The following TUBGCP3 variants were observed in gnomAD, a reference collection of about 807,000 sequenced individuals.
TUBGCP3 encodes gamma-tubulin complex component 3.
A neutral mutation model predicts 123.1 loss-of-function variants in TUBGCP3; 50 were observed. That is an observed-to-expected ratio of 0.41 (90% CI 0.32 to 0.51). The LOEUF (loss-of-function observed/expected upper bound fraction) is 0.51. Ranked by LOEUF, TUBGCP3 falls within the 20% of genes least tolerant of loss-of-function variation. The pLI is 0.36. For synonymous variants in TUBGCP3, 405 were observed against 413.9 expected, an observed-to-expected ratio of 0.98 and a Z score of 0.26; for missense variants, 882 against 1,127.0, an observed-to-expected ratio of 0.78 and a Z score of 3.11.
At chr13:112,551,052 TCG>T (rs1016938059) in intron 8 of TUBGCP3, among the ~76,000 whole-genome samples, 16 of 151,842 alleles carry the variant, frequency 1.1e-4, no homozygotes, top group African/African-American at 3.9e-4. Flanking sequence ...TGAGCCGAGA[TCG>T]CGCCACTGCA....
At chr13:112,566,707 C>A (rs1880975624) in intron 2 of TUBGCP3, among the ~76,000 whole-genome samples, 1 of 152,160 alleles carries the variant, frequency 6.6e-6, no homozygotes, top group Non-Finnish European at 1.5e-5. Context: ...GGCACTAATT[C>A]ATACATGCAC....
At chr13:112,499,777 G>A (rs1880779543) in intron 19 of TUBGCP3, among the ~76,000 whole-genome samples, 3 of 152,086 alleles carry the variant, frequency 2.0e-5, no homozygotes, top group African/African-American at 7.2e-5. Flanking sequence ...TGTCACAGCA[G>A]GTATCTTCCG....
intron 8 of TUBGCP3, among the ~76,000 whole-genome samples, chr13:112,550,582 T>C (rs188030774): frequency 3.9e-5 from 6 of 152,254 alleles, no homozygotes; most frequent in Admixed American, 2.6e-4. Flanking sequence ...TCTAGGCTCA[T>C]CTACAAAGGG....
intron 3 of TUBGCP3, among the ~76,000 whole-genome samples, chr13:112,563,384 G>T (rs527323048): frequency 6.6e-6 from 1 of 151,988 alleles, no homozygotes; most frequent in Non-Finnish European, 1.5e-5. Flanking sequence ...TGGTTTAATC[G>T]TTGGTCTTAT....
chr13:112,502,112 G>C (rs559060667), intron 19 of TUBGCP3, among the ~76,000 whole-genome samples: 1 of 152,142 alleles, frequency 6.6e-6, no homozygotes, highest in Non-Finnish European at 1.5e-5. Flanking sequence ...CACACACACC[G>C]GCACAAAATA....
intron 5 of TUBGCP3, among the ~76,000 whole-genome samples, chr13:112,557,489 T>A (rs2139223837): frequency 6.6e-6 from 1 of 152,352 alleles, no homozygotes; most frequent in African/African-American, 2.4e-5. Context: ...AATATCTACT[T>A]TATGATAATC....
the TUBGCP3 span, among the ~76,000 whole-genome samples, chr13:112,598,017 C>T: frequency 2.0e-5 from 3 of 152,124 alleles, no homozygotes; most frequent in Non-Finnish European, 2.9e-5. Context: ...AAGCAAAATC[C>T]TCGGAGAGCA....
At chr13:112,592,866 G>C (rs897235437), upstream of TUBGCP3, among the ~76,000 whole-genome samples, 1 of 152,180 alleles carries the variant, frequency 6.6e-6, no homozygotes, top group Non-Finnish European at 1.5e-5. The surrounding 1 kb of genome is among the most constrained non-coding windows in gnomAD (Gnocchi z 4.1). Context: ...ATCACCCGTG[G>C]TCAGACCTGA....
chr13:112,512,890 A>C (rs183113950), intron 17 of TUBGCP3, among the ~76,000 whole-genome samples: 3 of 152,324 alleles, frequency 2.0e-5, no homozygotes, highest in Admixed American at 2.0e-4. Flanking sequence ...TGTCTTAAAA[A>C]CCAGAGGAAA....
At position 112,508,877 on chromosome 13, in the gene TUBGCP3, C is replaced by T. The variant is rs559287011; in HGVS notation, c.2087-4163G>A. Reference sequence around the variant, plus strand: ...GTCCTGCTGGCGCCACAGCCCAAGCCTCCCTCAAATCCATTCCCTTCCCTC... The same window carrying T: ...GTCCTGCTGGCGCCACAGCCCAAGCTTCCCTCAAATCCATTCCCTTCCCTC... On this transcript the variant is annotated intron_variant, in intron 17 of 21. Coordinates refer to ENST00000261965, the MANE Select transcript of TUBGCP3 (RefSeq NM_006322.6). This position sits in a 1 kb window ranked among gnomAD's most constrained non-coding sequence, Gnocchi z 4.2. 6.6e-6 allele frequency among the ~76,000 whole-genome samples: 1 copy of T among 152,112 alleles called. No individual in the cohort carries two copies. The highest frequency in any genetic ancestry group is 2.1e-4 in the South Asian group (1 of 4,818).
In TUBGCP3 at chr13:112,579,833, C is replaced by G. The variant is rs115528783; in HGVS notation, c.76+8072G>C. On this transcript the variant is annotated intron_variant, in intron 1 of 21. Coordinates refer to ENST00000261965, the MANE Select transcript of TUBGCP3 (RefSeq NM_006322.6). ...CCCTGAGGCCCAACAACCCCACTTG[C>G]AGGTGTTTATTCTAGAAAACTAACT... Among the ~76,000 whole-genome samples, 974 of 152,364 alleles carry G rather than the reference C, an allele frequency of 6.4e-3. 10 individuals are homozygous for G. The highest frequency in any genetic ancestry group is 0.022 in the African/African-American group (911 of 41,590).
intron 7 of TUBGCP3, 80 bp from the exon 8 acceptor site, chr13:112,554,262 A>C: frequency 6.7e-7 from 1 of 1,487,558 alleles, no homozygotes; most frequent in Non-Finnish European, 9.1e-7. Context: ...AAGCACTTCT[A>C]CTTTTAATAC....
intron 16 of TUBGCP3, among the ~76,000 whole-genome samples, 187 bp downstream of exon 16, chr13:112,518,788 A>G (rs1027840829): frequency 6.6e-6 from 1 of 152,256 alleles, no homozygotes; most frequent in African/African-American, 2.4e-5. Context: ...AGAGCATTTC[A>G]GTACTCATTA....
chr13:112,496,306 C>T lies in TUBGCP3; in HGVS notation c.2448+2739G>A, dbSNP rs149728734. On this transcript the variant is annotated intron_variant, in intron 20 of 21. Transcript: ENST00000261965. Reference sequence around the variant, plus strand: ...AGCCATGAGGAGGAAGAGAAGGGCCCTTTGGAGTCCCCCACACAATGGCAG... The same window carrying T: ...AGCCATGAGGAGGAAGAGAAGGGCCTTTTGGAGTCCCCCACACAATGGCAG... Among the ~76,000 whole-genome samples the T allele has an allele frequency of 9.7e-3, 1,472 of 152,274 alleles. 14 individuals carry two copies. The highest frequency in any genetic ancestry group is 0.018 in the Admixed American group (283 of 15,300).
At chr13:112,565,751 G>A (rs767313863) in intron 2 of TUBGCP3, among the ~76,000 whole-genome samples, 28 of 152,108 alleles carry the variant, frequency 1.8e-4, no homozygotes, top group African/African-American at 6.3e-4. Flanking sequence ...TGGCTAACAC[G>A]GTGAAACCGA....
chr13:112,574,688 T>C (rs1881674514), intron 1 of TUBGCP3, among the ~76,000 whole-genome samples: 1 of 152,214 alleles, frequency 6.6e-6, no homozygotes, highest in African/African-American at 2.4e-5. Context: ...TGTAAAACTC[T>C]GGCAAAAATA....
At chr13:112,601,778 C>T in the TUBGCP3 span, among the ~76,000 whole-genome samples, 2 of 152,176 alleles carry the variant, frequency 1.3e-5, no homozygotes, top group Non-Finnish European at 2.9e-5. Context: ...ATTTTCATGA[C>T]AGGATATTCC....
chr13:112,564,539 G>A (rs1429693061), intron 3 of TUBGCP3, among the ~76,000 whole-genome samples: 1 of 152,178 alleles, frequency 6.6e-6, no homozygotes, highest in African/African-American at 2.4e-5. Flanking sequence ...TACAAGGCTG[G>A]GCTTGGTGGC....
chr13:112,590,844 G>A (rs1463782878), upstream of TUBGCP3, among the ~76,000 whole-genome samples: 1 of 152,176 alleles, frequency 6.6e-6, no homozygotes, highest in African/African-American at 2.4e-5. Context: ...CCCTTGACTG[G>A]AAGCTCTTTC....
Sources: allele counts gnomAD v4.1 joint callset (sites outside exome capture counted in the v4.1 genomes callset), GRCh38; gene constraint gnomAD v4.1.1; non-coding constraint Gnocchi (gnomAD v3.1); transcripts MANE v1.5; gene names NCBI Gene and HGNC (gene_info 2026-07-23, HGNC 2026-07-21).